The following EML4 variants were observed in gnomAD, a reference collection of about 807,000 sequenced individuals.
The protein encoded by EML4 is EMAP like 4.
A neutral mutation model predicts 129.0 loss-of-function variants in EML4; 72 were observed. The observed-to-expected ratio is 0.56, with a 90% confidence interval of 0.46 to 0.68. The LOEUF is 0.68. Ranked by LOEUF, EML4 falls within the 30% of genes least tolerant of loss-of-function variation. The probability of loss-of-function intolerance (pLI) is 0.00; values close to 1 mark genes in which losing one functional copy is unlikely to be tolerated. For synonymous variants in EML4, 532 were observed against 405.0 expected, an observed-to-expected ratio of 1.31 and a Z score of -3.77; for missense variants, 1,363 against 1,190.6, an observed-to-expected ratio of 1.14 and a Z score of -2.13.
intron 11 of EML4, among the ~76,000 whole-genome samples, chr2:42,292,512 C>G (rs1667703171): frequency 6.6e-6 from 1 of 152,116 alleles, no homozygotes; most frequent in African/African-American, 2.4e-5. Flanking sequence ...CAAAATAACC[C>G]AGACATGAAG....
chr2:42,242,377 C>A (rs1437333419), intron 1 of EML4, among the ~76,000 whole-genome samples: 1 of 152,174 alleles, frequency 6.6e-6, no homozygotes, highest in Admixed American at 6.5e-5. Flanking sequence ...GAATTTATTA[C>A]GTTACATAAT....
intron 11 of EML4, 63 bp downstream of exon 11, chr2:42,288,385 G>C: frequency 1.2e-6 from 1 of 836,276 alleles, no homozygotes; most frequent in Non-Finnish European, 2.0e-6. Flanking sequence ...CAGGTATTTG[G>C]AACTATATTG....
chr2:42,281,919 C>G (rs1440393494), intron 7 of EML4, among the ~76,000 whole-genome samples: 1 of 152,194 alleles, frequency 6.6e-6, no homozygotes, highest in African/African-American at 2.4e-5. Context: ...CCTTCTTAGG[C>G]AGATATCAGC....
chr2:42,257,185 A>C (rs1676209267), intron 3 of EML4, among the ~76,000 whole-genome samples: 1 of 152,086 alleles, frequency 6.6e-6, no homozygotes, highest in African/African-American at 2.4e-5. Flanking sequence ...TATAAGTTTC[A>C]GTGGATTACA....
Position 42,329,912 on chromosome 2 carries a change from C to A in EML4, c.2651C>A (p.Ala884Asp). 2.5e-6 allele frequency: 4 copies of A among 1,613,978 alleles called. No individual in the cohort carries two copies. The highest frequency in any genetic ancestry group is 3.4e-6 in the Non-Finnish European group (4 of 1,179,984). The change falls in exon 23 of 23, where the codon GCC becomes GAC. Residue 884 changes from alanine to aspartate, a missense_variant. By Grantham distance (126) the Ala-to-Asp change is moderately radical. Coordinates refer to ENST00000318522, the MANE Select transcript of EML4 (RefSeq NM_019063.5). Reference protein sequence around the residue: ...ETVADTTLTKAPVSSTESVIQ... With the variant: ...ETVADTTLTKDPVSSTESVIQ... ...GTAGCGGATACTACTCTAACCAAAGCCCCCGTCTCTTCCACTGAAAGTGTC... is the reference window on the plus strand; with the variant it reads ...GTAGCGGATACTACTCTAACCAAAGACCCCGTCTCTTCCACTGAAAGTGTC...
chr2:42,315,137 A>G (rs1019459239), intron 17 of EML4, among the ~76,000 whole-genome samples: 5 of 152,056 alleles, frequency 3.3e-5, no homozygotes, highest in Non-Finnish European at 4.4e-5. Context: ...CTCCTTAGCT[A>G]TACAGCTGCT....
intron 1 of EML4, among the ~76,000 whole-genome samples, chr2:42,195,597 A>AC (rs1351586416): frequency 6.6e-6 from 1 of 152,192 alleles, no homozygotes; most frequent in East Asian, 1.9e-4. Context: ...CATTCCATAA[A>AC]CCCAATCATT....
intron 17 of EML4, among the ~76,000 whole-genome samples, chr2:42,309,710 G>T (rs2103758240): frequency 6.6e-6 from 1 of 152,300 alleles, no homozygotes; most frequent in African/African-American, 2.4e-5. Flanking sequence ...AGAAATGTAT[G>T]TTGAAATCCT....
chr2:42,327,672 C>T (rs1405714929), intron 21 of EML4, among the ~76,000 whole-genome samples: 1 of 152,224 alleles, frequency 6.6e-6, no homozygotes, highest in East Asian at 1.9e-4. Context: ...AAGCCTTCCT[C>T]AGTATTTAGG....
At chr2:42,183,591 A>G (rs957731816) in intron 1 of EML4, among the ~76,000 whole-genome samples, 5 of 152,216 alleles carry the variant, frequency 3.3e-5, no homozygotes, top group African/African-American at 1.2e-4. Flanking sequence ...ATGTATATGT[A>G]TGTATAAAAT....
Position 42,330,611 on chromosome 2 carries a change from C to A in EML4, c.*404C>A. 3.2e-6 allele frequency: 1 copy of A among 308,446 alleles called. No individual in the cohort carries two copies. The allele number at this position is 308,446 out of a possible 1,614,324, so 19.1% of individuals were successfully genotyped here. ...ACTGTTACTCATCTACTGGCTCAGA[C>A]TGTACTACTTTTTTTTTTTTTTTTC... On this transcript the variant is annotated 3_prime_UTR_variant, in exon 23 of 23. Coordinates refer to ENST00000318522, the MANE Select transcript of EML4 (RefSeq NM_019063.5).
chr2:42,278,360 A>G (rs947872341), intron 6 of EML4, among the ~76,000 whole-genome samples: 8 of 151,944 alleles, frequency 5.3e-5, no homozygotes, highest in Non-Finnish European at 1.0e-4. Flanking sequence ...GATCACTTGA[A>G]GTCGGAAGTT....
chr2:42,176,185 G>T (rs965469445), intron 1 of EML4, among the ~76,000 whole-genome samples: 1 of 151,978 alleles, frequency 6.6e-6, no homozygotes, highest in Non-Finnish European at 1.5e-5. Context: ...ATCATGTTTT[G>T]ATTCTTTGCC....
chr2:42,261,969 T>C (rs1665765974), intron 4 of EML4, among the ~76,000 whole-genome samples: 1 of 152,188 alleles, frequency 6.6e-6, no homozygotes, highest in Non-Finnish European at 1.5e-5. Flanking sequence ...AGTACAGTGC[T>C]ACAGCTGCCT....
At chr2:42,204,276 G>A (rs544535388) in intron 1 of EML4, among the ~76,000 whole-genome samples, 114 of 152,124 alleles carry the variant, frequency 7.5e-4, no homozygotes, top group African/African-American at 2.5e-3. Flanking sequence ...GATGACTTTC[G>A]ACAAGCTATA....
intron 6 of EML4, among the ~76,000 whole-genome samples, chr2:42,275,753 A>G (rs1271539634): frequency 2.6e-5 from 4 of 152,146 alleles, no homozygotes; most frequent in Non-Finnish European, 5.9e-5. Flanking sequence ...TTTTCACCAT[A>G]CCAAGGTTGG....
intron 1 of EML4, chr2:42,208,169 C>T (rs1355135007): frequency 6.6e-6 from 1 of 152,052 alleles, no homozygotes; most frequent in Admixed American, 6.6e-5. Context: ...GGAGGGAGGT[C>T]TTATGTCTTC....
chr2:42,261,917 T>A (rs563363026), intron 4 of EML4, among the ~76,000 whole-genome samples: 18 of 152,274 alleles, frequency 1.2e-4, no homozygotes, highest in African/African-American at 4.1e-4. Context: ...ATTCTAACAA[T>A]GTGTGTGAGC....
chr2:42,199,587 G>A (rs1672098305), intron 1 of EML4, among the ~76,000 whole-genome samples: 1 of 152,168 alleles, frequency 6.6e-6, no homozygotes, highest in Non-Finnish European at 1.5e-5. Context: ...AAGAATAGTT[G>A]CCGTTTTGAC....
Sources: allele counts gnomAD v4.1 joint callset (sites outside exome capture counted in the v4.1 genomes callset), GRCh38; gene constraint gnomAD v4.1.1; transcripts MANE v1.5; gene names NCBI Gene and HGNC (gene_info 2026-07-23, HGNC 2026-07-21).